SARDH: variants seen among roughly 807,000 people sequenced by gnomAD.
SARDH encodes sarcosine dehydrogenase, also known as sarcosine dehydrogenase, mitochondrial.
Under a neutral mutation model 109.1 loss-of-function variants are expected in SARDH, and 95 were observed. The observed-to-expected ratio is 0.87, with a 90% CI of 0.74 to 1.03. SARDH has a LOEUF of 1.03. Among genes scored for constraint, SARDH ranks in the 50% least tolerant of loss-of-function variants. The pLI is 0.00. For synonymous variants in SARDH, 572 were observed against 534.8 expected (o/e 1.07, Z -0.96); for missense variants, 1,267 against 1,287.8 (o/e 0.98, Z 0.25).
chr9:133,739,385 A>G (rs994134112), upstream of SARDH, among the ~76,000 whole-genome samples: 9 of 152,328 alleles, frequency 5.9e-5, no homozygotes, highest in East Asian at 1.7e-3. Flanking sequence ...TCTATCCTCT[A>G]CATTTACTGA....
downstream of SARDH, among the ~76,000 whole-genome samples, chr9:133,659,667 T>G (rs1434709880): frequency 2.0e-5 from 3 of 152,092 alleles, no homozygotes; most frequent in Non-Finnish European, 2.9e-5. Context: ...TGCAAGGCAC[T>G]TCACTTCATC....
rs772412275 is a variant in SARDH, at chr9:133,704,956, G to A, written c.1546C>T (p.Pro516Ser). 5.7e-6 allele frequency: 9 copies of A among 1,577,288 alleles called. No individual in the cohort carries two copies. The East Asian group carries it at 1.6e-4, about 28-fold the overall frequency. Residue 516 changes from proline (P) to serine (S), a missense_variant, in exon 12 of 21, where the codon CCA becomes TCA. By Grantham distance (74) the Pro-to-Ser change is moderately conservative. Transcript: ENST00000439388. The surrounding 1 kb of genome is among the most constrained non-coding windows in gnomAD (Gnocchi z 4.5). ...ERPGWFHPRG[P>S]APVLEYDYYG... ...CAGCAGGCACTACTCACCGGAGCTG[G>A]GCCTCGGGGATGAAACCATCCCGGT...
rs765427902 is a variant in SARDH, at chr9:133,696,329, G to A, written c.1701C>T (p.Ala567=). The change falls in exon 14 of 21, where the codon GCC becomes GCT. Residue 567 remains alanine (A), a synonymous_variant. Coordinates refer to ENST00000439388, the MANE Select transcript of SARDH (RefSeq NM_001134707.2). ...AGTAGGACATGTCAAACACAGCGGC[G>A]GCCCCTCTGCAGGCCAGGCACTCCT... ...IKKECLACRG[A]AAVFDMSYFG... is the part of the protein sequence containing the mutation. 8.8e-5 allele frequency: 142 copies of A among 1,614,100 alleles called. No homozygotes were observed. The highest frequency in any genetic ancestry group is 4.9e-4 in the Middle Eastern group (3 of 6,062).
chr9:133,729,654 G>C, intron 6 of SARDH, 111 bp downstream of exon 6: 1 of 817,986 alleles, frequency 1.2e-6, no homozygotes, highest in Non-Finnish European at 2.0e-6. Flanking sequence ...CTGAGGCTTG[G>C]GGCAGTGAGG....
At chr9:133,711,968 G>C (rs1229956297) in intron 10 of SARDH, among the ~76,000 whole-genome samples, 1 of 152,234 alleles carries the variant, frequency 6.6e-6, no homozygotes, top group African/African-American at 2.4e-5. Context: ...CTCTGCAAGA[G>C]ATGGCCCTGA....
chr9:133,737,295 T>A (rs756233320), intron 1 of SARDH, among the ~76,000 whole-genome samples: 2 of 152,206 alleles, frequency 1.3e-5, no homozygotes, highest in Non-Finnish European at 2.9e-5. Flanking sequence ...GGGAGTCTGA[T>A]TGCAGCGGCG....
rs1237733516 is a variant in SARDH at position 133,671,750 on chromosome 9, A to G, written c.2164-53T>C. ...TGGCCATGTAAGATGGCTGAGGTCC[A>G]GGCCCAGGCCACCACTTCCTGGTGG... is the stretch of plus-strand genomic sequence containing the variant. On this transcript the variant is annotated intron_variant, in intron 17 of 20. Coordinates refer to ENST00000439388, the MANE Select transcript of SARDH (RefSeq NM_001134707.2). 3 of 1,515,170 alleles carry G rather than the reference A, an allele frequency of 2.0e-6. No individual in the cohort carries two copies. In the African/African-American group the frequency reaches 4.2e-5, roughly 21 times the overall value. 93.9% of individuals were successfully genotyped at this position (1,515,170 alleles called of 1,614,324 possible). A position where few individuals can be genotyped will look rare whatever the true frequency, so the allele number is the denominator to read the frequency against.
intron 4 of SARDH, among the ~76,000 whole-genome samples, chr9:133,730,528 TA>T (rs33917417): frequency 0.58 from 83,372 of 142,552 alleles, 24,887 homozygotes; most frequent in East Asian, 0.68. Flanking sequence ...TACTGCTTGG[TA>T]AAAAAAAAAA....
At chr9:133,732,968 G>A (rs1421180796) in intron 2 of SARDH, among the ~76,000 whole-genome samples, 1 of 152,216 alleles carries the variant, frequency 6.6e-6, no homozygotes, top group Non-Finnish European at 1.5e-5. Flanking sequence ...CAGAGCAGGT[G>A]AGTGGAGGGG....
chr9:133,712,547 G>T lies in SARDH; in HGVS notation c.1328+72C>A. 1.5e-6 allele frequency: 2 copies of T among 1,347,468 alleles called. No homozygotes were observed. Among genetic ancestry groups the T allele is most frequent in the Non-Finnish European group, 1.0e-6 (1 of 954,274 alleles). 83.5% of individuals were successfully genotyped at this position (1,347,468 alleles called of 1,614,324 possible). On this transcript the variant is annotated intron_variant, in intron 10 of 20. Transcript: ENST00000439388. The surrounding 1 kb of genome is among the most constrained non-coding windows in gnomAD (Gnocchi z 4.1). ...TTCAGGCAAGGCTCCTTTCTCAGTAGCCCTCGCTGTTTACCCCACGCCACC... is the reference window on the plus strand; with the variant it reads ...TTCAGGCAAGGCTCCTTTCTCAGTATCCCTCGCTGTTTACCCCACGCCACC...
At position 133,709,130 on chromosome 9, in the gene SARDH, T is replaced by A. The variant is rs1444009174; in HGVS notation, c.1329-702A>T. On this transcript the variant is annotated intron_variant, in intron 10 of 20. Coordinates refer to ENST00000439388, the MANE Select transcript of SARDH (RefSeq NM_001134707.2). This position sits in a 1 kb window ranked among gnomAD's most constrained non-coding sequence, Gnocchi z 4.2. ...GGAGATGATGTGGCTGCAATAGTTT[T>A]GGGTTTGTTCCTTCGAGGCTGGGGA... Among the ~76,000 whole-genome samples the A allele has an allele frequency of 6.6e-6, 1 of 152,270 alleles. No homozygotes were observed. The highest frequency in any genetic ancestry group is 1.9e-4 in the East Asian group (1 of 5,170).
chr9:133,731,614 C>A, intron 3 of SARDH, 130 bp from the exon 4 acceptor site: 1 of 853,424 alleles, frequency 1.2e-6, no homozygotes, highest in Non-Finnish European at 1.8e-6. Context: ...GGTCCCCACG[C>A]CCCCGGAGCC....
intron 19 of SARDH, chr9:133,667,160 G>A: frequency 1.9e-6 from 1 of 526,106 alleles, no homozygotes; most frequent in Non-Finnish European, 3.3e-6. Context: ...GAGGGCCCCT[G>A]CTTCCGATTT....
At chr9:133,732,149 C>T (rs988544656) in intron 3 of SARDH, among the ~76,000 whole-genome samples, 4 of 152,150 alleles carry the variant, frequency 2.6e-5, no homozygotes, top group African/African-American at 9.7e-5. Context: ...GGGGCTCCTT[C>T]CCTGTGGCGT....
chr9:133,712,952 G>A lies in SARDH; in HGVS notation c.1237+86C>T, dbSNP rs116726190. On this transcript the variant is annotated intron_variant, in intron 9 of 20. Coordinates refer to ENST00000439388, the MANE Select transcript of SARDH (RefSeq NM_001134707.2). The surrounding 1 kb of genome is among the most constrained non-coding windows in gnomAD (Gnocchi z 4.1). ...TGTCCCCACCACTGTCGGGGGCCAC[G>A]GTGCTCCTGCGCCCGCCTCCCCCAG... 1.1e-3 allele frequency: 1,528 copies of A among 1,347,388 alleles called. 6 individuals carry two copies. Among genetic ancestry groups the A allele is most frequent in the African/African-American group, 0.011 (780 of 69,442 alleles). The allele number at this position is 1,347,388 out of a possible 1,614,324, so 83.5% of individuals were successfully genotyped here.
chr9:133,711,042 C>T (rs896147521), intron 10 of SARDH, among the ~76,000 whole-genome samples: 6 of 152,366 alleles, frequency 3.9e-5, no homozygotes, highest in African/African-American at 9.6e-5. Context: ...GCCCATGGCA[C>T]ACTCCCGCCA....
In SARDH at chr9:133,710,698, G is replaced by A. The variant is rs534838192; in HGVS notation, c.1328+1921C>T. On this transcript the variant is annotated intron_variant, in intron 10 of 20. Transcript: ENST00000439388. ...TCTGTCTCTCTCCTTCAGGGTCTGTGTCTTGTCTCAGTCCCCGGGCGCAGG... is the reference window on the plus strand; with the variant it reads ...TCTGTCTCTCTCCTTCAGGGTCTGTATCTTGTCTCAGTCCCCGGGCGCAGG... Among the ~76,000 whole-genome samples the A allele has an allele frequency of 1.9e-3, 290 of 152,390 alleles. 2 individuals carry two copies. The highest frequency in any genetic ancestry group is 3.1e-3 in the Non-Finnish European group (211 of 68,038).
downstream of SARDH, among the ~76,000 whole-genome samples, chr9:133,659,866 CGCGATCACACCCAATTGCCAGCCCAGAGA>C (rs1564217440): frequency 2.5e-4 from 38 of 152,238 alleles, no homozygotes; most frequent in East Asian, 6.9e-3. Flanking sequence ...AGCCTCTTCC[CGCGATCACACCCAATTGCCAGCCCAGAGA>C]AGGGTCCCAG....
chr9:133,708,414 G>A lies in SARDH; in HGVS notation c.1343C>T (p.Ser448Leu), dbSNP rs148421270. 2.5e-5 allele frequency: 41 copies of A among 1,610,492 alleles called. No homozygotes were observed. Among genetic ancestry groups the A allele is most frequent in the African/African-American group, 1.9e-4 (14 of 74,832 alleles). ...HGYDIRRFHH[S>L]LTDHPRWIRE... is the part of the protein sequence containing the mutation. ...GATCCAGCGGGGGTGGTCCGTGAGCGAGTGATGGAAGCGCCTGCCGCAGAC... is the reference window on the plus strand; with the variant it reads ...GATCCAGCGGGGGTGGTCCGTGAGCAAGTGATGGAAGCGCCTGCCGCAGAC... The change falls in exon 11 of 21, where the codon TCG (serine) becomes TTG (leucine). Residue 448 changes from serine to leucine, a missense_variant. Physicochemically the swap from Ser to Leu is moderately radical, Grantham distance 145. Transcript: ENST00000439388.
Sources: gnomAD v4.1 joint callset for allele counts (sites outside exome capture counted in the v4.1 genomes callset) on GRCh38, gnomAD v4.1.1 for gene constraint, Gnocchi (gnomAD v3.1) non-coding constraint, MANE v1.5 for transcripts, NCBI Gene and HGNC (gene_info 2026-07-23, HGNC 2026-07-21) for gene names.